GJC1: variants seen among roughly 807,000 people sequenced by gnomAD.
GJC1 encodes gap junction gamma-1 protein.
A neutral mutation model predicts 29.3 loss-of-function variants in GJC1; 5 were observed. The ratio of observed to expected loss-of-function variants is 0.17; its 90% CI spans 0.09 to 0.36. The LOEUF (loss-of-function observed/expected upper bound fraction) is 0.36. Ranked by LOEUF, GJC1 falls within the 10% of genes least tolerant of loss-of-function variation. GJC1 has a pLI of 1.00. For synonymous variants in GJC1, 177 were observed against 183.3 expected (o/e 0.97, Z 0.28); for missense variants, 310 against 496.2 (o/e 0.62, Z 3.56).
In GJC1 at chr17:44,801,795, G is replaced by C. The variant is rs1424447566; in HGVS notation, c.*2832C>G. On this transcript the variant is annotated 3_prime_UTR_variant, in exon 3 of 3. Transcript: ENST00000592524. ...AATTTCTGTATTTTTAGTAGAGATG[G>C]AGTTTCACCATGTTGACCAGTCTGG... The C allele has an allele frequency of 4.6e-5, 7 of 152,094 alleles. No individual in the cohort carries two copies. Among genetic ancestry groups the C allele is most frequent in the Admixed American group, 4.6e-4 (7 of 15,254 alleles). The allele number at this position is 152,094 out of a possible 1,614,324, so 9.4% of individuals were successfully genotyped here.
chr17:44,820,892 T>C (rs1477260161), intron 1 of GJC1, among the ~76,000 whole-genome samples: 1 of 152,210 alleles, frequency 6.6e-6, no homozygotes, highest in Non-Finnish European at 1.5e-5. Flanking sequence ...AGCAAAAGCA[T>C]TACAGCAGCT....
At chr17:44,797,991 C>A (rs1427901010), downstream of GJC1, among the ~76,000 whole-genome samples, 1 of 152,116 alleles carries the variant, frequency 6.6e-6, no homozygotes, top group African/African-American at 2.4e-5. Context: ...GGCTTTTCAA[C>A]GACACTGCTG....
chr17:44,802,222 A>G lies in GJC1; in HGVS notation c.*2405T>C, dbSNP rs1431419090. The G allele has an allele frequency of 6.6e-6, 1 of 152,170 alleles. No individual in the cohort carries two copies. Among genetic ancestry groups the G allele is most frequent in the Admixed American group, 6.6e-5 (1 of 15,262 alleles). 9.4% of individuals were successfully genotyped at this position (152,170 alleles called of 1,614,324 possible). On this transcript the variant is annotated 3_prime_UTR_variant, in exon 3 of 3. Transcript: ENST00000592524. ...AAATTAAGTGGATGCTTCTGGCGCCAAATGTCTTTGCCTGGTTCTTCCTGG... is the reference window on the plus strand; with the variant it reads ...AAATTAAGTGGATGCTTCTGGCGCCGAATGTCTTTGCCTGGTTCTTCCTGG...
chr17:44,823,279 G>A (rs962677002), intron 1 of GJC1, among the ~76,000 whole-genome samples: 1 of 137,876 alleles, frequency 7.3e-6, no homozygotes, highest in African/African-American at 2.8e-5. Context: ...TTAAGACGGA[G>A]TGTTGCTCTG....
Position 44,823,258 on chromosome 17 carries a change from T to G in GJC1, c.-97+6804A>C, listed in dbSNP as rs1023623899. 8.7e-5 allele frequency among the ~76,000 whole-genome samples: 13 copies of G among 148,854 alleles called. No individual in the cohort carries two copies. In the South Asian group the frequency reaches 1.3e-3, roughly 15 times the overall value. On this transcript the variant is annotated intron_variant, in intron 1 of 2. Coordinates refer to ENST00000592524, the MANE Select transcript of GJC1 (RefSeq NM_005497.4). Reference sequence around the variant, plus strand: ...ATGCATTTCTTTCCTGTTTTTTTTTTTTTTTTTTTTTTAAGACGGAGTGTT... The same window carrying G: ...ATGCATTTCTTTCCTGTTTTTTTTTGTTTTTTTTTTTTAAGACGGAGTGTT...
chr17:44,830,329 C>T (rs1050738554), upstream of GJC1: 1 of 158,072 alleles, frequency 6.3e-6, no homozygotes, highest in Non-Finnish European at 1.4e-5. The surrounding 1 kb of genome is among the most constrained non-coding windows in gnomAD (Gnocchi z 4.3). Flanking sequence ...GGGCGTCCCG[C>T]CGCGGCCCGG....
intron 1 of GJC1, among the ~76,000 whole-genome samples, chr17:44,819,480 A>C (rs1042115200): frequency 1.3e-5 from 2 of 151,910 alleles, no homozygotes; most frequent in Admixed American, 6.6e-5. Flanking sequence ...AACACTGTGA[A>C]ACCCCCTCTC....
chr17:44,820,301 A>G (rs2050093510), intron 1 of GJC1, among the ~76,000 whole-genome samples: 1 of 152,190 alleles, frequency 6.6e-6, no homozygotes. Context: ...GAAACTAAGC[A>G]AGCAATGGAC....
intron 1 of GJC1, among the ~76,000 whole-genome samples, chr17:44,808,806 G>A (rs973118878): frequency 2.6e-5 from 4 of 152,006 alleles, no homozygotes; most frequent in Non-Finnish European, 4.4e-5. Flanking sequence ...GGCCAAGCAC[G>A]GTGGCTCATG....
chr17:44,824,562 G>A (rs937993130), intron 1 of GJC1, among the ~76,000 whole-genome samples: 4 of 151,948 alleles, frequency 2.6e-5, no homozygotes, highest in Admixed American at 6.6e-5. Flanking sequence ...CTCAGCCTCC[G>A]AAAGTGCTGG....
intron 2 of GJC1, among the ~76,000 whole-genome samples, chr17:44,806,254 CAAG>C (rs952310812): frequency 6.6e-6 from 1 of 152,116 alleles, no homozygotes; most frequent in African/African-American, 2.4e-5. Flanking sequence ...CTACTATCTT[CAAG>C]AAGGTCAATT....
At chr17:44,827,913 T>C (rs1457469771) in intron 1 of GJC1, among the ~76,000 whole-genome samples, 1 of 152,194 alleles carries the variant, frequency 6.6e-6, no homozygotes, top group Non-Finnish European at 1.5e-5. Flanking sequence ...TCACCAATTT[T>C]GAAATGTGAA....
At chr17:44,825,911 G>C (rs1313371838) in intron 1 of GJC1, among the ~76,000 whole-genome samples, 1 of 152,078 alleles carries the variant, frequency 6.6e-6, no homozygotes, top group Non-Finnish European at 1.5e-5. Context: ...TCATTTACCA[G>C]AATACTTCAT....
At chr17:44,823,768 G>A (rs936374389) in intron 1 of GJC1, among the ~76,000 whole-genome samples, 1 of 150,854 alleles carries the variant, frequency 6.6e-6, no homozygotes, top group Non-Finnish European at 1.5e-5. Flanking sequence ...CTGGAGTGCA[G>A]TGGCACAATC....
intron 2 of GJC1, among the ~76,000 whole-genome samples, chr17:44,806,979 A>G (rs2049920135): frequency 6.6e-6 from 1 of 152,224 alleles, no homozygotes; most frequent in African/African-American, 2.4e-5. Context: ...GATCTTCCCT[A>G]GCTAGGCTGC....
downstream of GJC1, among the ~76,000 whole-genome samples, chr17:44,798,114 G>A (rs747585665): frequency 3.9e-5 from 6 of 152,220 alleles, no homozygotes; most frequent in Non-Finnish European, 7.4e-5. Flanking sequence ...AGCCTCCCCC[G>A]CCAGGCTACC....
downstream of GJC1, chr17:44,794,761 G>A (rs1187539553): frequency 6.6e-6 from 1 of 152,178 alleles, no homozygotes; most frequent in Non-Finnish European, 1.5e-5. Flanking sequence ...TGGAGTTTAC[G>A]GCTGTCAGCA....
At chr17:44,815,408 T>C (rs2050030891) in intron 1 of GJC1, among the ~76,000 whole-genome samples, 1 of 152,170 alleles carries the variant, frequency 6.6e-6, no homozygotes, top group Non-Finnish European at 1.5e-5. Flanking sequence ...TAGGAGGTGG[T>C]ATTATTAGAT....
In GJC1 at chr17:44,800,208, T is replaced by G. The variant is rs1269647719; in HGVS notation, c.*4419A>C. 1 of 152,080 alleles carries G rather than the reference T, an allele frequency of 6.6e-6. No individual in the cohort carries two copies. The highest frequency in any genetic ancestry group is 1.5e-5 in the Non-Finnish European group (1 of 68,038). 9.4% of individuals were successfully genotyped at this position (152,080 alleles called of 1,614,324 possible). Reference sequence around the variant, plus strand: ...TCACTGCAACCTCTACCTCCTGGGATCAAGTGATTCTCATCTCAGCCTCCT... The same window carrying G: ...TCACTGCAACCTCTACCTCCTGGGAGCAAGTGATTCTCATCTCAGCCTCCT... On this transcript the variant is annotated 3_prime_UTR_variant, in exon 3 of 3. Coordinates refer to ENST00000592524, the MANE Select transcript of GJC1 (RefSeq NM_005497.4).
Sources: gnomAD v4.1 joint callset for allele counts (sites outside exome capture counted in the v4.1 genomes callset) on GRCh38, gnomAD v4.1.1 for gene constraint, Gnocchi (gnomAD v3.1) non-coding constraint, MANE v1.5 for transcripts, NCBI Gene and HGNC (gene_info 2026-07-23, HGNC 2026-07-21) for gene names.